Variants in JAKMIP2 observed in about 807,000 individuals in gnomAD.
JAKMIP2 encodes the protein janus kinase and microtubule interacting protein 2, also known as janus kinase and microtubule-interacting protein 2.
In JAKMIP2, 25 loss-of-function variants were observed where a neutral mutation model predicts 115.0. That is an observed-to-expected ratio of 0.22 (90% confidence interval 0.16 to 0.30). The LOEUF is 0.30. Among genes scored for constraint, JAKMIP2 ranks in the 10% least tolerant of loss-of-function variants. The pLI is 1.00. For missense variants in JAKMIP2, 642 were observed against 957.6 expected (o/e 0.67, Z 4.35); for synonymous variants, 334 against 343.6 (o/e 0.97, Z 0.31).
chr5:147,751,949 G>C (rs1027374695), intron 1 of JAKMIP2, among the ~76,000 whole-genome samples: 1 of 152,124 alleles, frequency 6.6e-6, no homozygotes, highest in Admixed American at 6.5e-5. Flanking sequence ...AATAGCCAAA[G>C]TCTGCCGTCA....
intron 1 of JAKMIP2, among the ~76,000 whole-genome samples, chr5:147,711,066 A>C (rs1469998491): frequency 6.6e-6 from 1 of 152,246 alleles, no homozygotes; most frequent in African/African-American, 2.4e-5. Flanking sequence ...AATAGTAGAG[A>C]CATGAATAGA....
At chr5:147,647,025 A>T (rs1758167593) in intron 5 of JAKMIP2, among the ~76,000 whole-genome samples, 2 of 152,080 alleles carry the variant, frequency 1.3e-5, no homozygotes. Flanking sequence ...ATCAAACTGC[A>T]ACTAATAATT....
rs1332414726 is a variant in JAKMIP2 at position 147,629,662 on chromosome 5, C to A, written c.1929+31G>T. The A allele has an allele frequency of 2.6e-6, 4 of 1,564,780 alleles. No homozygotes were observed. The South Asian group carries it at 3.4e-5, about 13-fold the overall frequency. On this transcript the variant is annotated intron_variant, in intron 15 of 21. Coordinates refer to ENST00000616793, the MANE Select transcript of JAKMIP2 (RefSeq NM_001270941.2). ...TCTCTTGCCTCTGTTTAGGCAAATT[C>A]ATATCTATACTAAATCAATTCTTTA...
intron 19 of JAKMIP2, among the ~76,000 whole-genome samples, chr5:147,614,489 T>G (rs1444177576): frequency 6.6e-6 from 1 of 152,206 alleles, no homozygotes; most frequent in Non-Finnish European, 1.5e-5. Context: ...TCTACCTACT[T>G]CTTTTTATCT....
In JAKMIP2 at chr5:147,615,491, T is replaced by A. The variant is rs868598251; in HGVS notation, c.2346+2420A>T. ...AATCTGGTTTTGGAGGGCGGGGTAG[T>A]CAGCTACTGAAGGACCTGAAGAGAC... On this transcript the variant is annotated intron_variant, in intron 19 of 21. Coordinates refer to ENST00000616793, the MANE Select transcript of JAKMIP2 (RefSeq NM_001270941.2). 5.9e-5 allele frequency among the ~76,000 whole-genome samples: 9 copies of A among 152,076 alleles called. No individual in the cohort carries two copies. The South Asian group carries it at 1.7e-3, about 28-fold the overall frequency.
intron 1 of JAKMIP2, among the ~76,000 whole-genome samples, chr5:147,748,947 C>T (rs1461364224): frequency 6.6e-6 from 1 of 152,154 alleles, no homozygotes; most frequent in Admixed American, 6.6e-5. Context: ...CCTATTAAAC[C>T]TCCACTCTTA....
At chr5:147,610,576 C>A (rs576475257) in intron 20 of JAKMIP2, among the ~76,000 whole-genome samples, 17 of 152,278 alleles carry the variant, frequency 1.1e-4, no homozygotes, top group Middle Eastern at 3.4e-3. Context: ...GAAGGGCACA[C>A]GTCAGATGCC....
intron 1 of JAKMIP2, among the ~76,000 whole-genome samples, chr5:147,725,999 A>G (rs1340730920): frequency 6.6e-6 from 1 of 152,060 alleles, no homozygotes; most frequent in Non-Finnish European, 1.5e-5. Flanking sequence ...TGAACTTTTG[A>G]TTCAGTGTTG....
At chr5:147,653,301 G>T (rs576238072) in intron 3 of JAKMIP2, among the ~76,000 whole-genome samples, 2 of 152,240 alleles carry the variant, frequency 1.3e-5, no homozygotes, top group African/African-American at 4.8e-5. Context: ...CTCAACAATG[G>T]TTGGACCAAT....
intron 8 of JAKMIP2, 53 bp from the exon 9 acceptor site, chr5:147,640,876 T>C (rs748398284): frequency 4.4e-5 from 69 of 1,563,782 alleles, no homozygotes; most frequent in Non-Finnish European, 5.5e-5. Context: ...TAGGGAAAGT[T>C]GAACGTTAAA....
chr5:147,773,397 A>C (rs1755438655), intron 1 of JAKMIP2, among the ~76,000 whole-genome samples: 1 of 152,138 alleles, frequency 6.6e-6, no homozygotes. Flanking sequence ...TACACGGCCA[A>C]AGATCAATGT....
chr5:147,755,244 A>T (rs1462652550), intron 1 of JAKMIP2, among the ~76,000 whole-genome samples: 2 of 152,220 alleles, frequency 1.3e-5, no homozygotes, highest in East Asian at 3.9e-4. Flanking sequence ...GGCAGTGAGG[A>T]CAAAGAAGAT....
At chr5:147,679,703 A>G (rs1382090052) in intron 1 of JAKMIP2, among the ~76,000 whole-genome samples, 3 of 152,214 alleles carry the variant, frequency 2.0e-5, no homozygotes, top group Non-Finnish European at 4.4e-5. Flanking sequence ...AGATAGGGAA[A>G]TTGAGGCTCA....
intron 2 of JAKMIP2, among the ~76,000 whole-genome samples, chr5:147,664,931 G>C (rs1042770141): frequency 6.6e-6 from 1 of 152,116 alleles, no homozygotes; most frequent in African/African-American, 2.4e-5. Context: ...GAGAATACAG[G>C]CTTGCAGGGT....
intron 1 of JAKMIP2, among the ~76,000 whole-genome samples, chr5:147,734,907 G>T (rs1753863716): frequency 6.6e-6 from 1 of 152,170 alleles, no homozygotes; most frequent in Admixed American, 6.5e-5. Context: ...TCTGTGTAAA[G>T]TGGACAGATG....
Position 147,598,557 on chromosome 5 carries a change from A to C in JAKMIP2, c.*20+3184T>G, listed in dbSNP as rs73266285. Among the ~76,000 whole-genome samples, 955 of 152,234 alleles carry C rather than the reference A, an allele frequency of 6.3e-3. 14 individuals carry two copies. Among genetic ancestry groups the C allele is most frequent in the African/African-American group, 0.022 (922 of 41,502 alleles). On this transcript the variant is annotated intron_variant, in intron 21 of 21. Transcript: ENST00000616793. ...TGATATGCCATTCGTTTGGAAAACC[A>C]GAATGCATAGCCAGATAATATCTTC...
intron 1 of JAKMIP2, among the ~76,000 whole-genome samples, chr5:147,743,471 G>A (rs767430261): frequency 2.6e-5 from 4 of 152,140 alleles, no homozygotes; most frequent in Non-Finnish European, 5.9e-5. Context: ...TTATAGCCCT[G>A]TTATTTTTAA....
At chr5:147,614,987 A>G (rs1301638659) in intron 19 of JAKMIP2, among the ~76,000 whole-genome samples, 1 of 152,174 alleles carries the variant, frequency 6.6e-6, no homozygotes, top group African/African-American at 2.4e-5. Context: ...AAAGTGGCCA[A>G]TCCTACTCCC....
In JAKMIP2 at chr5:147,759,125, A is replaced by G. The variant is rs113030661; in HGVS notation, c.-149+23331T>C. Among the ~76,000 whole-genome samples the G allele has an allele frequency of 4.2e-3, 646 of 152,224 alleles. 4 individuals are homozygous for G. Among genetic ancestry groups the G allele is most frequent in the African/African-American group, 0.015 (624 of 41,558 alleles). ...TGTTTCCAGAAAATAATTAAGAGGA[A>G]GAGTAAAAATACATGCCCATACCAG... On this transcript the variant is annotated intron_variant, in intron 1 of 21. Transcript: ENST00000616793.
Sources: allele counts gnomAD v4.1 joint callset (sites outside exome capture counted in the v4.1 genomes callset), GRCh38; gene constraint gnomAD v4.1.1; transcripts MANE v1.5; gene names NCBI Gene and HGNC (gene_info 2026-07-23, HGNC 2026-07-21).